CLSPN: variants seen among roughly 807,000 people sequenced by gnomAD.
The protein encoded by CLSPN is claspin.
Under a neutral mutation model 156.3 loss-of-function variants are expected in CLSPN, and 85 were observed. The ratio of observed to expected loss-of-function variants is 0.54; its 90% confidence interval spans 0.46 to 0.65. The LOEUF (loss-of-function observed/expected upper bound fraction) is 0.65. Ranked by LOEUF, CLSPN falls within the 30% of genes least tolerant of loss-of-function variation. CLSPN has a pLI of 0.00. For synonymous variants in CLSPN, 534 were observed against 542.4 expected, an observed-to-expected ratio of 0.98 and a Z score of 0.22; for missense variants, 1,407 against 1,554.9, an observed-to-expected ratio of 0.90 and a Z score of 1.60.
chr1:35,743,306 T>G (rs1244378136), intron 17 of CLSPN, 65 bp from the exon 18 acceptor site: 2 of 1,421,584 alleles, frequency 1.4e-6, no homozygotes, highest in Non-Finnish European at 2.0e-6. Context: ...AAAAAGGATT[T>G]ATAAACATCT....
Position 35,753,874 on chromosome 1 carries a change from C to A in CLSPN, c.1642G>T (p.Gly548Cys). 1 of 1,614,200 alleles carries A rather than the reference C, an allele frequency of 6.2e-7. No homozygotes were observed. Among genetic ancestry groups the A allele is most frequent in the Non-Finnish European group, 8.5e-7 (1 of 1,180,042 alleles). Residue 548 changes from glycine to cysteine, a missense_variant, in exon 9 of 25, where the codon GGT becomes TGT. By Grantham distance (159) the Gly-to-Cys change is radical. This residue lies in a region of CLSPN where 1,096 missense variants were observed against 1,193.0 expected (regional missense o/e 0.92). Coordinates refer to ENST00000318121, the MANE Select transcript of CLSPN (RefSeq NM_022111.4). Reference sequence around the variant, plus strand: ...ATGACGTTCACATTCACTGTCTGACCAGCCCTGGGTTTGGCTGCTGGATTA... The same window carrying A: ...ATGACGTTCACATTCACTGTCTGACAAGCCCTGGGTTTGGCTGCTGGATTA... ...HANPAAKPRAGQTVNVNVIVK... is the reference protein window; with the variant it reads ...HANPAAKPRACQTVNVNVIVK...
chr1:35,724,619 T>C (rs563892765), intron 24 of CLSPN, among the ~76,000 whole-genome samples: 2 of 152,354 alleles, frequency 1.3e-5, no homozygotes, highest in African/African-American at 4.8e-5. Context: ...CTTTGGGAAC[T>C]TAGGCAAATC....
chr1:35,721,037 CT>C, intron 24 of CLSPN: 2 of 1,235,696 alleles, frequency 1.6e-6, no homozygotes, highest in Admixed American at 3.9e-5. Context: ...AGAGATAGTT[CT>C]GATAATGTTG....
Position 35,751,483 on chromosome 1 carries a change from C to T in CLSPN, c.1795G>A (p.Ala599Thr). Residue 599 changes from alanine to threonine, a missense_variant, in exon 10 of 25, where the codon GCT becomes ACT. Coordinates refer to ENST00000318121, the MANE Select transcript of CLSPN (RefSeq NM_022111.4). ...KPGEKLQVLK[A>T]KLQEAMKLRR... ...AGTTTCATTGCTTCTTGCAGTTTAGCTTTTAACACCTGAAGCTTTTCACCT... is the reference window on the plus strand; with the variant it reads ...AGTTTCATTGCTTCTTGCAGTTTAGTTTTTAACACCTGAAGCTTTTCACCT... The T allele has an allele frequency of 6.2e-7, 1 of 1,613,788 alleles. No homozygotes were observed. The highest frequency in any genetic ancestry group is 8.5e-7 in the Non-Finnish European group (1 of 1,179,936).
rs1369080082 is a variant in CLSPN at position 35,732,688 on chromosome 1, C to G, written c.*3808G>C. 1 of 985,280 alleles carries G rather than the reference C, an allele frequency of 1.0e-6. No individual in the cohort carries two copies. The highest frequency in any genetic ancestry group is 1.2e-6 in the Non-Finnish European group (1 of 829,948). 61.0% of individuals were successfully genotyped at this position (985,280 alleles called of 1,614,324 possible). A position where few individuals can be genotyped will look rare whatever the true frequency, so the allele number is the denominator to read the frequency against. ...CTCATCCCTCCAAATATGTAATTTC[C>G]AAGCTAGTGAAGCTGAGTCCTCCTC... On this transcript the variant is annotated 3_prime_UTR_variant, in exon 25 of 25. Coordinates refer to ENST00000318121, the MANE Select transcript of CLSPN (RefSeq NM_022111.4).
In CLSPN at chr1:35,739,243, T is replaced by C. The variant is rs1641602478; in HGVS notation, c.3323A>G (p.Asp1108Gly). 6.2e-7 allele frequency: 1 copy of C among 1,614,208 alleles called. No homozygotes were observed. The highest frequency in any genetic ancestry group is 1.1e-5 in the South Asian group (1 of 91,084). Residue 1108 changes from aspartate (D) to glycine (G), a missense_variant, in exon 20 of 25, where the codon GAT (aspartate) becomes GGT (glycine). Transcript: ENST00000318121. Reference sequence around the variant, plus strand: ...TAAACGTAGCTGTCGCTTATCATCATCCAACATAGTTTTCCTGCAACAGGA... The same window carrying C: ...TAAACGTAGCTGTCGCTTATCATCACCCAACATAGTTTTCCTGCAACAGGA... ...IKKIHMKTMLDDDKRQLRLYQ... is the reference protein window; with the variant it reads ...IKKIHMKTMLGDDKRQLRLYQ...
intron 8 of CLSPN, among the ~76,000 whole-genome samples, chr1:35,757,074 C>T (rs147022233): frequency 6.6e-6 from 1 of 152,204 alleles, no homozygotes; most frequent in African/African-American, 2.4e-5. Flanking sequence ...ACCCCTCCAC[C>T]AAAAAAGCCC....
At chr1:35,769,612 C>T (rs1642796312) in intron 1 of CLSPN, among the ~76,000 whole-genome samples, 2 of 152,220 alleles carry the variant, frequency 1.3e-5, no homozygotes, top group African/African-American at 2.4e-5. Flanking sequence ...CCGCAGAGAC[C>T]TGGAGCTCTC....
At chr1:35,759,542 G>A (rs1056049498) in intron 8 of CLSPN, among the ~76,000 whole-genome samples, 3 of 152,018 alleles carry the variant, frequency 2.0e-5, no homozygotes, top group African/African-American at 7.3e-5. Flanking sequence ...TACCTTAAAT[G>A]TCAGATTTAT....
Position 35,764,261 on chromosome 1 carries a change from T to A in CLSPN, c.582+5A>T. On this transcript the variant is annotated splice_donor_5th_base_variant and intron_variant, in intron 3 of 24. Transcript: ENST00000318121. ...AGCAATAGCAAATTATTCTTTAAAA[T>A]GTACCTGGTTTTTTGTTTCCTTCTT... 1 of 1,537,142 alleles carries A rather than the reference T, an allele frequency of 6.5e-7. No homozygotes were observed. The highest frequency in any genetic ancestry group is 1.2e-5 in the South Asian group (1 of 81,302).
chr1:35,736,866 A>G (rs778898540), intron 24 of CLSPN, 48 bp downstream of exon 24: 10 of 1,569,582 alleles, frequency 6.4e-6, no homozygotes, highest in East Asian at 2.2e-5. Flanking sequence ...AAATAAATGA[A>G]TAAATTCTGG....
At chr1:35,758,801 C>CT (rs34271691) in intron 8 of CLSPN, among the ~76,000 whole-genome samples, 1,969 of 138,230 alleles carry the variant, frequency 0.014, 56 homozygotes, top group African/African-American at 0.043. Flanking sequence ...TTTTCTTTTT[C>CT]TTTTTTTTTT....
chr1:35,741,052 G>A (rs1641672390), intron 18 of CLSPN, among the ~76,000 whole-genome samples: 1 of 152,034 alleles, frequency 6.6e-6, no homozygotes, highest in South Asian at 2.1e-4. Flanking sequence ...TGTCCTATAT[G>A]TGAATTCCAA....
intron 19 of CLSPN, 51 bp from the exon 20 acceptor site, chr1:35,739,308 A>G (rs773702034): frequency 6.2e-7 from 1 of 1,614,076 alleles, no homozygotes; most frequent in Non-Finnish European, 8.5e-7. Context: ...CTGGCTGGTT[A>G]CAGGGCTTGT....
intron 12 of CLSPN, among the ~76,000 whole-genome samples, chr1:35,749,263 A>G (rs550918418): frequency 1.3e-5 from 2 of 152,358 alleles, no homozygotes; most frequent in South Asian, 4.1e-4. Context: ...CACTAAGGAC[A>G]TTATGTACCA....
Position 35,764,510 on chromosome 1 carries a change from C to T in CLSPN, c.338G>A (p.Ser113Asn). The T allele has an allele frequency of 6.2e-7, 1 of 1,613,982 alleles. No individual in the cohort carries two copies. The highest frequency in any genetic ancestry group is 1.1e-5 in the South Asian group (1 of 91,078). ...IYKTVADSDE[S>N]YMEKSLYQEN... ...CTGATACAAAGACTTTTCCATGTAA[C>T]TTTCATCACTGTCTGCCACAGTTTT... is the stretch of plus-strand genomic sequence containing the variant. The change falls in exon 3 of 25, where the codon AGT (serine) becomes AAT (asparagine). Residue 113 changes from serine to asparagine, a missense_variant. This residue lies in a region of CLSPN where 1,096 missense variants were observed against 1,193.0 expected (regional missense o/e 0.92). Coordinates refer to ENST00000318121, the MANE Select transcript of CLSPN (RefSeq NM_022111.4).
In CLSPN at chr1:35,765,308, C is replaced by T. The variant is rs756722895; in HGVS notation, c.43G>A (p.Asp15Asn). The change falls in exon 2 of 25, where the codon GAC (aspartate) becomes AAC (asparagine). Residue 15 changes from aspartate to asparagine, a missense_variant. Around this residue, in one of 3 missense-constraint regions of CLSPN, gnomAD observed 1,096 missense variants for 1,193.0 expected, o/e 0.92. Transcript: ENST00000318121. The stretch of plus-strand genomic sequence containing the variant: ...TCCTCTTGTGAAATGACGTTTGGGT[C>T]ATTGATTTCTAGGTGAACCTAGAAA... ...VGSEVHLEINDPNVISQEEAD... is the reference protein window; with the variant it reads ...VGSEVHLEINNPNVISQEEAD... 6 of 1,613,240 alleles carry T rather than the reference C, an allele frequency of 3.7e-6. No homozygotes were observed. The highest frequency in any genetic ancestry group is 5.1e-6 in the Non-Finnish European group (6 of 1,179,402).
intron 23 of CLSPN, 110 bp from the exon 24 acceptor site, chr1:35,737,185 A>G: frequency 8.0e-7 from 1 of 1,253,228 alleles, no homozygotes; most frequent in Non-Finnish European, 1.1e-6. Context: ...TGCCTACCCT[A>G]TTCAAATAGA....
downstream of CLSPN, among the ~76,000 whole-genome samples, chr1:35,728,608 A>G (rs1446523745): frequency 6.6e-6 from 1 of 152,138 alleles, no homozygotes; most frequent in Non-Finnish European, 1.5e-5. Flanking sequence ...TTGAAGGGAC[A>G]AGAAGCACAG....
Sources: allele counts gnomAD v4.1 joint callset (sites outside exome capture counted in the v4.1 genomes callset), GRCh38; gene constraint gnomAD v4.1.1; regional missense constraint gnomAD v4.1.1; transcripts MANE v1.5; gene names NCBI Gene and HGNC (gene_info 2026-07-23, HGNC 2026-07-21).